Variants in FAM227B observed in about 807,000 individuals in gnomAD.
The protein encoded by FAM227B is protein FAM227B.
In FAM227B, 88 loss-of-function variants were observed where a neutral mutation model predicts 73.8. The observed-to-expected ratio is 1.19, with a 90% CI of 1.00 to 1.42. FAM227B has a LOEUF of 1.42. FAM227B is among the 40% of genes most tolerant of loss of function. FAM227B has a pLI of 0.00. For synonymous variants in FAM227B, 210 were observed against 190.5 expected, an observed-to-expected ratio of 1.10 and a Z score of -0.84; for missense variants, 632 against 590.9, an observed-to-expected ratio of 1.07 and a Z score of -0.72.
chr15:49,509,511 C>G (rs1283712446), intron 10 of FAM227B, among the ~76,000 whole-genome samples: 2 of 151,922 alleles, frequency 1.3e-5, no homozygotes, highest in Admixed American at 6.6e-5. Context: ...TGTCTGCCAT[C>G]AAGGCAGACG....
intron 10 of FAM227B, among the ~76,000 whole-genome samples, chr15:49,512,825 C>G (rs938685674): frequency 2.0e-5 from 3 of 152,136 alleles, no homozygotes; most frequent in Non-Finnish European, 4.4e-5. Flanking sequence ...TTGTTCAACT[C>G]CCACTTATGA....
intron 10 of FAM227B, among the ~76,000 whole-genome samples, chr15:49,526,572 T>A (rs1173828814): frequency 6.6e-6 from 1 of 151,682 alleles, no homozygotes; most frequent in Non-Finnish European, 1.5e-5. Context: ...GTAATTGAGA[T>A]TAAGAAAGTG....
intron 3 of FAM227B, among the ~76,000 whole-genome samples, chr15:49,602,849 C>A (rs12909835): frequency 0.11 from 16,381 of 152,188 alleles, 1,244 homozygotes; most frequent in East Asian, 0.36. Context: ...GGTCTAGTTT[C>A]ATTCTTCTGC....
chr15:49,503,612 A>G (rs1316084421), intron 11 of FAM227B, among the ~76,000 whole-genome samples: 3 of 152,218 alleles, frequency 2.0e-5, no homozygotes, highest in Admixed American at 6.5e-5. Flanking sequence ...AAAAGTGGGC[A>G]AAGGATATGA....
intron 9 of FAM227B, among the ~76,000 whole-genome samples, chr15:49,566,268 A>AC (rs1555545213): frequency 2.6e-5 from 4 of 152,050 alleles, no homozygotes; most frequent in Admixed American, 6.5e-5. Flanking sequence ...AGCCATGAGC[A>AC]TTTTTTTCTA....
intron 11 of FAM227B, among the ~76,000 whole-genome samples, chr15:49,428,152 G>T (rs895176899): frequency 6.6e-6 from 1 of 151,812 alleles, no homozygotes; most frequent in African/African-American, 2.4e-5. Flanking sequence ...GACTCTTGAG[G>T]GGACAGAAGC....
intron 11 of FAM227B, among the ~76,000 whole-genome samples, chr15:49,416,280 T>C (rs2049204536): frequency 6.6e-6 from 1 of 151,804 alleles, no homozygotes; most frequent in Non-Finnish European, 1.5e-5. Flanking sequence ...GCACCGAGTA[T>C]CTATTTGATA....
intron 11 of FAM227B, among the ~76,000 whole-genome samples, chr15:49,422,159 T>C (rs1436540992): frequency 1.9e-5 from 2 of 105,456 alleles, no homozygotes; most frequent in African/African-American, 6.1e-5. Context: ...TGTGTGTGTG[T>C]GTGTGCGCGC....
At chr15:49,591,045 A>ATTTTTTTTTTT (rs748799826) in intron 3 of FAM227B, among the ~76,000 whole-genome samples, 4 of 72,556 alleles carry the variant, frequency 5.5e-5, no homozygotes, top group Non-Finnish European at 7.5e-5. Context: ...TTTTTTTTTG[A>ATTTTTTTTTTT]TTTTTTTTTT....
chr15:49,598,565 TATG>T (rs1340119478), intron 3 of FAM227B, among the ~76,000 whole-genome samples: 1 of 152,032 alleles, frequency 6.6e-6, no homozygotes, highest in African/African-American at 2.4e-5. Flanking sequence ...CACTATTGAT[TATG>T]ATGTTAGATG....
chr15:49,438,734 T>C (rs1404197238), intron 11 of FAM227B, among the ~76,000 whole-genome samples: 2 of 151,642 alleles, frequency 1.3e-5, no homozygotes, highest in Non-Finnish European at 1.5e-5. Flanking sequence ...GCCTCAGTTT[T>C]TGTTTTTGTA....
At chr15:49,431,292 C>T (rs968397392) in intron 11 of FAM227B, among the ~76,000 whole-genome samples, 6 of 151,818 alleles carry the variant, frequency 4.0e-5, no homozygotes, top group South Asian at 4.1e-4. Context: ...AATGTTTAAC[C>T]GCTTTTGGAC....
intron 11 of FAM227B, among the ~76,000 whole-genome samples, chr15:49,465,188 A>G (rs2413947): frequency 0.71 from 107,292 of 151,910 alleles, 38,155 homozygotes; most frequent in East Asian, 0.93. Context: ...AGAGTGCAGT[A>G]ACACGATCTC....
chr15:49,461,518 C>T (rs1357673853), intron 11 of FAM227B, among the ~76,000 whole-genome samples: 1 of 152,210 alleles, frequency 6.6e-6, no homozygotes, highest in African/African-American at 2.4e-5. Flanking sequence ...CTCTATACTT[C>T]TCCTACTTAC....
chr15:49,432,614 C>T (rs1206664137), intron 11 of FAM227B, among the ~76,000 whole-genome samples: 9 of 151,526 alleles, frequency 5.9e-5, no homozygotes, highest in Non-Finnish European at 8.9e-5. Flanking sequence ...AAGAACTAAA[C>T]GAAGTTGCCA....
At chr15:49,550,643 G>T (rs1598146808) in intron 9 of FAM227B, among the ~76,000 whole-genome samples, 1 of 151,998 alleles carries the variant, frequency 6.6e-6, no homozygotes, top group African/African-American at 2.4e-5. Context: ...CATCCCAGGT[G>T]GGGCGGCGGG....
rs551711267 is a variant in FAM227B, at chr15:49,456,899, C to T, written c.1012+51312G>A. Among the ~76,000 whole-genome samples, 3 of 152,192 alleles carry T rather than the reference C, an allele frequency of 2.0e-5. No individual in the cohort carries two copies. In the East Asian group the frequency reaches 5.8e-4, roughly 29 times the overall value. ...GCAACTGTTTTTACTGTGTTAAGTG[C>T]ATTACAATTCAATCCAATTTAATTT... On this transcript the variant is annotated intron_variant, in intron 11 of 15. Transcript: ENST00000299338.
At chr15:49,582,272 A>C (rs1247113339) in intron 5 of FAM227B, among the ~76,000 whole-genome samples, 1 of 152,228 alleles carries the variant, frequency 6.6e-6, no homozygotes, top group Admixed American at 6.5e-5. Flanking sequence ...GGCTCAAAGT[A>C]AAGAAATGGA....
At chr15:49,396,854 C>T (rs1181901480) in intron 11 of FAM227B, among the ~76,000 whole-genome samples, 1 of 151,996 alleles carries the variant, frequency 6.6e-6, no homozygotes, top group African/African-American at 2.4e-5. Context: ...TGTACATCAC[C>T]ATTATCAAAG....
Sources: gnomAD v4.1 joint callset for allele counts (sites outside exome capture counted in the v4.1 genomes callset) on GRCh38, gnomAD v4.1.1 for gene constraint, MANE v1.5 for transcripts, NCBI Gene and HGNC (gene_info 2026-07-23, HGNC 2026-07-21) for gene names.